Variants in WTAP observed in about 807,000 individuals in gnomAD.
WTAP encodes the protein pre-mRNA-splicing regulator WTAP.
A neutral mutation model predicts 50.0 loss-of-function variants in WTAP; 8 were observed. The ratio of observed to expected loss-of-function variants is 0.16; its 90% CI spans 0.09 to 0.29. The LOEUF (loss-of-function observed/expected upper bound fraction) is 0.29. WTAP is among the 10% of genes least tolerant of loss of function. The probability of loss-of-function intolerance (pLI) is 1.00; values close to 1 mark genes in which losing one functional copy is unlikely to be tolerated. For missense variants in WTAP, 295 were observed against 470.7 expected (o/e 0.63, Z 3.45); for synonymous variants, 194 against 169.0 (o/e 1.15, Z -1.15).
At chr6:159,734,375 CAAAA>C (rs67668924) in intron 1 of WTAP, among the ~76,000 whole-genome samples, 1 of 130,766 alleles carries the variant, frequency 7.6e-6, no homozygotes, top group Non-Finnish European at 1.6e-5. Context: ...GACTCCATCT[CAAAA>C]AAAAAAAAAA....
intron 6 of WTAP, among the ~76,000 whole-genome samples, chr6:159,750,551 A>G (rs1253822417): frequency 1.3e-5 from 2 of 152,230 alleles, no homozygotes; most frequent in East Asian, 3.8e-4. Context: ...ATTTCTATGC[A>G]TATACAGTTA....
At position 159,755,269 on chromosome 6, in the gene WTAP, C is replaced by T. The variant is rs1055837778; in HGVS notation, c.849C>T (p.Ser283=). The T allele has an allele frequency of 1.2e-6, 2 of 1,614,202 alleles. No homozygotes were observed. Among genetic ancestry groups the T allele is most frequent in the Non-Finnish European group, 1.7e-6 (2 of 1,180,026 alleles). The change falls in exon 8 of 8, where the codon TCC becomes TCT. Residue 283 remains serine (S), a synonymous_variant. Transcript: ENST00000621533. ...ACGGACCAAGTAATGGTAGCTCCTC[C>T]CGCCAGAGGACGTCTGGGTCTGGAT... ...LTNGPSNGSS[S]RQRTSGSGFH... is the part of the protein sequence containing the mutation.
chr6:159,754,118 C>T (rs1017400829), intron 7 of WTAP, among the ~76,000 whole-genome samples: 1 of 152,140 alleles, frequency 6.6e-6, no homozygotes, highest in Non-Finnish European at 1.5e-5. Flanking sequence ...GTAGCTGTAT[C>T]TCTGTTTCTC....
At chr6:159,735,615 GGC>G (rs1233503958) in intron 1 of WTAP, among the ~76,000 whole-genome samples, 1 of 152,088 alleles carries the variant, frequency 6.6e-6, no homozygotes, top group Non-Finnish European at 1.5e-5. Context: ...CAGGTGTGGT[GGC>G]ACGCACCTGT....
At chr6:159,754,371 G>C (rs1656189650) in intron 7 of WTAP, among the ~76,000 whole-genome samples, 1 of 152,106 alleles carries the variant, frequency 6.6e-6, no homozygotes, top group Non-Finnish European at 1.5e-5. Context: ...CTATCCTTAA[G>C]GATCAGACTT....
chr6:159,739,229 T>C (rs115193813), intron 3 of WTAP, among the ~76,000 whole-genome samples, 184 bp downstream of exon 3: 1 of 152,228 alleles, frequency 6.6e-6, no homozygotes, highest in African/African-American at 2.4e-5. Context: ...CGTAACACTT[T>C]AAAGAACTAC....
At chr6:159,734,646 TAAG>T (rs751000635) in intron 1 of WTAP, among the ~76,000 whole-genome samples, 17 of 152,110 alleles carry the variant, frequency 1.1e-4, no homozygotes, top group Non-Finnish European at 2.1e-4. Flanking sequence ...CCCCATCTCT[TAAG>T]AAAGAAAGAA....
At chr6:159,747,943 T>A in intron 5 of WTAP, among the ~76,000 whole-genome samples, 1 of 152,214 alleles carries the variant, frequency 6.6e-6, no homozygotes. Context: ...CAAGGACTAC[T>A]ACATAGTGAT....
rs1779294808 is a variant in WTAP, at chr6:159,742,151, G to GT, written c.145+8dup. On this transcript the variant is annotated splice_donor_region_variant and intron_variant, in intron 4 of 7. Transcript: ENST00000621533. Reference sequence around the variant, plus strand: ...GCAAGTACACAGATCTTAACTGTAAGTTTGAGTTTTAGCTTCCTAAAGACT... The same window carrying GT: ...GCAAGTACACAGATCTTAACTGTAAGTTTTGAGTTTTAGCTTCCTAAAGACT... The GT allele has an allele frequency of 6.2e-7, 1 of 1,601,508 alleles. No homozygotes were observed. Among genetic ancestry groups the GT allele is most frequent in the Non-Finnish European group, 8.5e-7 (1 of 1,175,602 alleles).
At chr6:159,734,396 A>G (rs1409537797) in intron 1 of WTAP, among the ~76,000 whole-genome samples, 1 of 150,788 alleles carries the variant, frequency 6.6e-6, no homozygotes, top group Non-Finnish European at 1.5e-5. Flanking sequence ...AAAAAAATTC[A>G]GTTTAACATA....
At chr6:159,737,846 G>T (rs1394179914) in intron 2 of WTAP, among the ~76,000 whole-genome samples, 3 of 152,210 alleles carry the variant, frequency 2.0e-5, no homozygotes, top group Admixed American at 2.0e-4. Context: ...TTTATTTGGT[G>T]TAGTGAATAT....
chr6:159,730,578 C>T (rs1346271650), intron 1 of WTAP, among the ~76,000 whole-genome samples: 5 of 152,216 alleles, frequency 3.3e-5, no homozygotes, highest in African/African-American at 1.2e-4. Context: ...TGAACCTGTT[C>T]TAATTTGCCT....
chr6:159,753,412 C>G, intron 6 of WTAP, 48 bp from the exon 7 acceptor site: 1 of 1,613,348 alleles, frequency 6.2e-7, no homozygotes, highest in African/African-American at 1.3e-5. Flanking sequence ...TAAGCAAAGA[C>G]AGAGAGTTTT....
intron 1 of WTAP, among the ~76,000 whole-genome samples, chr6:159,732,847 TC>T (rs1778660559): frequency 7.9e-6 from 1 of 126,114 alleles, no homozygotes; most frequent in African/African-American, 3.5e-5. Context: ...TCTGTCTGCT[TC>T]TTTCTCTCTC....
At chr6:159,754,093 C>G (rs113409941) in intron 7 of WTAP, among the ~76,000 whole-genome samples, 1 of 152,156 alleles carries the variant, frequency 6.6e-6, no homozygotes, top group African/African-American at 2.4e-5. Context: ...AGCCTCCATC[C>G]TTTTTAGTGC....
At chr6:159,727,405 C>T (rs1021761618), upstream of WTAP, 11 of 1,208,848 alleles carry the variant, frequency 9.1e-6, no homozygotes, top group African/African-American at 1.7e-4. Context: ...AGGCGGGAGG[C>T]AGTGGCGCTG....
At chr6:159,742,213 A>G in intron 4 of WTAP, 67 bp downstream of exon 4, 3 of 1,355,542 alleles carry the variant, frequency 2.2e-6, no homozygotes, top group Non-Finnish European at 3.1e-6. Context: ...TCAAAAGGAT[A>G]GTTGTTTTTA....
At chr6:159,747,767 T>C (rs891485122) in intron 5 of WTAP, among the ~76,000 whole-genome samples, 3 of 152,222 alleles carry the variant, frequency 2.0e-5, no homozygotes, top group African/African-American at 4.8e-5. Context: ...TTAGTAAATA[T>C]AATGTTGATT....
chr6:159,754,962 G>A, intron 7 of WTAP, 66 bp from the exon 8 acceptor site: 1 of 1,442,120 alleles, frequency 6.9e-7, no homozygotes, highest in Non-Finnish European at 9.2e-7. Flanking sequence ...TTTGTGGCAG[G>A]CACTAAAGAA....
Sources: allele counts gnomAD v4.1 joint callset (sites outside exome capture counted in the v4.1 genomes callset), GRCh38; gene constraint gnomAD v4.1.1; transcripts MANE v1.5; gene names NCBI Gene and HGNC (gene_info 2026-07-23, HGNC 2026-07-21).